FBXL7: variants seen among roughly 807,000 people sequenced by gnomAD.
The protein encoded by FBXL7 is F-box and leucine rich repeat protein 7, also known as F-box/LRR-repeat protein 7.
In FBXL7, 12 loss-of-function variants were observed where a neutral mutation model predicts 38.3. The observed-to-expected ratio is 0.31, with a 90% CI of 0.20 to 0.51. The LOEUF (loss-of-function observed/expected upper bound fraction) is 0.51, where lower values mean the gene tolerates loss of function less well. Among genes scored for constraint, FBXL7 ranks in the 20% least tolerant of loss-of-function variants. The pLI, the probability that FBXL7 is intolerant of heterozygous loss-of-function variation, is 0.98. For synonymous variants in FBXL7, 297 were observed against 300.9 expected, an observed-to-expected ratio of 0.99 and a Z score of 0.13; for missense variants, 567 against 676.4, an observed-to-expected ratio of 0.84 and a Z score of 1.79.
At chr5:15,612,440 A>G (rs184582833) in intron 1 of FBXL7, among the ~76,000 whole-genome samples, 4 of 152,118 alleles carry the variant, frequency 2.6e-5, no homozygotes, top group African/African-American at 7.2e-5. Flanking sequence ...TAAACAAGCA[A>G]TTTTTAAATT....
chr5:15,560,815 T>C (rs2126436848), intron 1 of FBXL7, among the ~76,000 whole-genome samples: 1 of 152,330 alleles, frequency 6.6e-6, no homozygotes, highest in Non-Finnish European at 1.5e-5. Context: ...GTTGTGCTCA[T>C]TCCAGTTTTG....
chr5:15,580,972 G>A (rs1204023797), intron 1 of FBXL7, among the ~76,000 whole-genome samples: 1 of 152,148 alleles, frequency 6.6e-6, no homozygotes, highest in Non-Finnish European at 1.5e-5. Flanking sequence ...TAGGAGTTAC[G>A]CCAACACCAG....
intron 2 of FBXL7, among the ~76,000 whole-genome samples, chr5:15,808,516 T>C (rs1261659180): frequency 6.6e-6 from 1 of 152,202 alleles, no homozygotes; most frequent in Admixed American, 6.5e-5. Context: ...TATTTCCCAC[T>C]GTGTATCCTG....
At chr5:15,866,969 TGAGAGTTAAGTTAG>T (rs1739744511) in intron 2 of FBXL7, among the ~76,000 whole-genome samples, 1 of 152,118 alleles carries the variant, frequency 6.6e-6, no homozygotes, top group Admixed American at 6.5e-5. Context: ...CTGTCTAACT[TGAGAGTTAAGTTAG>T]AAACTTAAGA....
intron 2 of FBXL7, among the ~76,000 whole-genome samples, chr5:15,815,232 GA>G: frequency 6.6e-6 from 1 of 152,168 alleles, no homozygotes; most frequent in Admixed American, 6.6e-5. Context: ...TTATCTCATT[GA>G]TTGAAAGGAA....
At chr5:15,640,187 G>A in intron 2 of FBXL7, among the ~76,000 whole-genome samples, 1 of 152,124 alleles carries the variant, frequency 6.6e-6, no homozygotes, top group Non-Finnish European at 1.5e-5. Context: ...TGGCAATAGA[G>A]TCTAGAAATC....
chr5:15,650,699 C>T (rs994880713), intron 2 of FBXL7, among the ~76,000 whole-genome samples: 32 of 152,348 alleles, frequency 2.1e-4, no homozygotes, highest in African/African-American at 7.7e-4. Context: ...GTCATTTCAA[C>T]AACGTCCACA....
intron 1 of FBXL7, among the ~76,000 whole-genome samples, chr5:15,567,663 G>A (rs904509185): frequency 1.3e-5 from 2 of 151,794 alleles, no homozygotes; most frequent in Non-Finnish European, 1.5e-5. Flanking sequence ...AGTTACATAC[G>A]TATACATGTG....
chr5:15,503,352 C>T (rs1344068914), intron 1 of FBXL7, among the ~76,000 whole-genome samples: 1 of 152,126 alleles, frequency 6.6e-6, no homozygotes, highest in Non-Finnish European at 1.5e-5. Context: ...ACCTGGGAGG[C>T]GGAGGTTGCA....
chr5:15,582,969 T>G (rs1400484034), intron 1 of FBXL7, among the ~76,000 whole-genome samples: 1 of 151,060 alleles, frequency 6.6e-6, no homozygotes, highest in Admixed American at 6.6e-5. Context: ...GTTGTATTAG[T>G]CTATTTTCAT....
intron 1 of FBXL7, among the ~76,000 whole-genome samples, chr5:15,522,412 G>A (rs1046619374): frequency 6.6e-6 from 1 of 152,106 alleles, no homozygotes; most frequent in Non-Finnish European, 1.5e-5. Context: ...GTTTCAGATC[G>A]ATGCTCCGAA....
chr5:15,863,075 A>C (rs1031638535), intron 2 of FBXL7, among the ~76,000 whole-genome samples: 5 of 152,144 alleles, frequency 3.3e-5, no homozygotes. Flanking sequence ...CCCACACATG[A>C]TGTATAGCAA....
At chr5:15,581,151 G>A (rs561965936) in intron 1 of FBXL7, among the ~76,000 whole-genome samples, 32 of 152,130 alleles carry the variant, frequency 2.1e-4, no homozygotes, top group East Asian at 1.9e-3. Context: ...ATTTTACCTC[G>A]AAGCCTACTG....
chr5:15,825,885 G>A lies in FBXL7; in HGVS notation c.128-102005G>A, dbSNP rs540029807. On this transcript the variant is annotated intron_variant, in intron 2 of 3. Coordinates refer to ENST00000504595, the MANE Select transcript of FBXL7 (RefSeq NM_012304.5). ...AGAGGAAGAAAAGGAGAAACTCAACGGTTTGATTTGCCCAAGTAAGAAACA... is the reference window on the plus strand; with the variant it reads ...AGAGGAAGAAAAGGAGAAACTCAACAGTTTGATTTGCCCAAGTAAGAAACA... 9.7e-4 allele frequency among the ~76,000 whole-genome samples: 148 copies of A among 152,276 alleles called. 1 individual carries two copies. The highest frequency in any genetic ancestry group is 2.9e-3 in the African/African-American group (120 of 41,550).
chr5:15,819,375 A>G lies in FBXL7; in HGVS notation c.128-108515A>G, dbSNP rs538316968. 1.2e-4 allele frequency among the ~76,000 whole-genome samples: 19 copies of G among 152,296 alleles called. No individual in the cohort carries two copies. The South Asian group carries it at 3.9e-3, about 32-fold the overall frequency. ...AACTGAAAAAAAAATGTGATCAGTC[A>G]TCTAGATACTGTGAGCGAAGGCCAA... On this transcript the variant is annotated intron_variant, in intron 2 of 3. Transcript: ENST00000504595.
intron 1 of FBXL7, among the ~76,000 whole-genome samples, chr5:15,613,453 G>A (rs916381301): frequency 6.6e-6 from 1 of 152,160 alleles, no homozygotes; most frequent in African/African-American, 2.4e-5. Context: ...AACAAATGGA[G>A]AATTGCTGCA....
chr5:15,766,779 A>G (rs1736602007), intron 2 of FBXL7, among the ~76,000 whole-genome samples: 2 of 152,180 alleles, frequency 1.3e-5, no homozygotes, highest in South Asian at 4.1e-4. Flanking sequence ...TCACGAAACC[A>G]ACGAAATAAT....
At chr5:15,674,293 T>C (rs1340083164) in intron 2 of FBXL7, among the ~76,000 whole-genome samples, 1 of 152,216 alleles carries the variant, frequency 6.6e-6, no homozygotes, top group African/African-American at 2.4e-5. Context: ...CTGTTGATAA[T>C]AGCTGTGTTA....
chr5:15,647,468 G>A (rs1271515259), intron 2 of FBXL7, among the ~76,000 whole-genome samples: 2 of 152,182 alleles, frequency 1.3e-5, no homozygotes, highest in Admixed American at 1.3e-4. Flanking sequence ...AATCCAAATA[G>A]ACCACAGCAA....
Sources: allele counts gnomAD v4.1 joint callset (sites outside exome capture counted in the v4.1 genomes callset), GRCh38; gene constraint gnomAD v4.1.1; transcripts MANE v1.5; gene names NCBI Gene and HGNC (gene_info 2026-07-23, HGNC 2026-07-21).